INSRR: variants seen among roughly 807,000 people sequenced by gnomAD.
INSRR encodes the protein insulin receptor-related protein.
A neutral mutation model predicts 130.0 loss-of-function variants in INSRR; 114 were observed. The ratio of observed to expected loss-of-function variants is 0.88; its 90% confidence interval spans 0.75 to 1.02. INSRR has a LOEUF of 1.02. Among genes scored for constraint, INSRR ranks in the 50% least tolerant of loss-of-function variants. The pLI is 0.00. For missense variants in INSRR, 1,657 were observed against 1,735.2 expected (o/e 0.95, Z 0.80); for synonymous variants, 674 against 705.2 (o/e 0.96, Z 0.70).
At position 156,841,065 on chromosome 1, in the gene INSRR, G is replaced by A. The variant is rs754911332; in HGVS notation, c.3702C>T (p.Arg1234=). 5.1e-6 allele frequency: 8 copies of A among 1,575,858 alleles called. No individual in the cohort carries two copies. The highest frequency in any genetic ancestry group is 6.9e-6 in the Non-Finnish European group (8 of 1,160,374). Residue 1234 remains arginine, a synonymous_variant, in exon 22 of 22, where the codon CGC becomes CGT. Coordinates refer to ENST00000368195, the MANE Select transcript of INSRR (RefSeq NM_014215.3). The part of the protein sequence containing the change: ...LMSRCWQPNP[R]LRPSFTHILD... ...GAATGTGTGTGAAAGATGGGCGCAG[G>A]CGTGGGTTCGGCTGCCAGCAGCGGC...
intron 5 of INSRR, 53 bp from the exon 6 acceptor site, chr1:156,849,513 G>GGGGGGGGGGGGGC: frequency 2.1e-6 from 1 of 486,122 alleles, no homozygotes; most frequent in Non-Finnish European, 4.1e-6. Flanking sequence ...CAGGGGGTGG[G>GGGGGGGGGGGGGC]AAAGGGGATG....
chr1:156,849,336 G>A lies in INSRR; in HGVS notation c.1354C>T (p.His452Tyr), dbSNP rs1313883943. Reference sequence around the variant, plus strand: ...GTCACCTCCTCCAGTCGGTAGATGTGTTCCAAGCAGAGGCGCGGGTTGAAG... The same window carrying A: ...GTCACCTCCTCCAGTCGGTAGATGTATTCCAAGCAGAGGCGCGGGTTGAAG... ...FAFNPRLCLEHIYRLEEVTGT... is the reference protein window; with the variant it reads ...FAFNPRLCLEYIYRLEEVTGT... The change falls in exon 6 of 22, where the codon CAC becomes TAC. Residue 452 changes from histidine to tyrosine, a missense_variant. By Grantham distance (83) the His-to-Tyr change is moderately conservative (BLOSUM62 2). Coordinates refer to ENST00000368195, the MANE Select transcript of INSRR (RefSeq NM_014215.3). 1 of 1,614,026 alleles carries A rather than the reference G, an allele frequency of 6.2e-7. No individual in the cohort carries two copies. The highest frequency in any genetic ancestry group is 8.5e-7 in the Non-Finnish European group (1 of 1,180,012).
At position 156,846,100 on chromosome 1, in the gene INSRR, G is replaced by T. The variant is rs540004085; in HGVS notation, c.1830C>A (p.Asp610Glu). 1 of 1,604,390 alleles carries T rather than the reference G, an allele frequency of 6.2e-7. No homozygotes were observed. Among genetic ancestry groups the T allele is most frequent in the East Asian group, 2.2e-5 (1 of 44,756 alleles). ...AGGAGGAGTTGGACGTGGAGATGAC[G>T]TCTTGGGGCACCGTGGGAGCTAGGA... is the stretch of plus-strand genomic sequence containing the variant. ...TLPAAPTVPQ[D>E]VISTSNSSSH... Residue 610 changes from aspartate (D) to glutamate (E), a missense_variant, in exon 9 of 22, where the codon GAC becomes GAA. Transcript: ENST00000368195.
chr1:156,845,277 GGCGGTGCCGCCCT>G lies in INSRR; in HGVS notation c.2223_2235del (p.Arg743GlnfsTer28). On this transcript the variant is annotated frameshift_variant, in exon 12 of 22. Transcript: ENST00000368195. LOFTEE classifies it high-confidence loss of function. ...CCCAGCCGGAGGGGCCCAGCTGCCC[GGCGGTGCCGCCCT>G]GAGTCCCTGGGGAGAGCGAGTCAGA... The G allele has an allele frequency of 1.2e-6, 2 of 1,612,478 alleles. No individual in the cohort carries two copies. The highest frequency in any genetic ancestry group is 1.7e-6 in the Non-Finnish European group (2 of 1,179,362).
rs774581385 is a variant in INSRR, at chr1:156,845,952, C to T, written c.1978G>A (p.Gly660Ser). The change falls in exon 9 of 22, where the codon GGC becomes AGC. Residue 660 changes from glycine to serine, a missense_variant and splice_region_variant. Gly to Ser is a moderately conservative substitution (Grantham distance 56). Coordinates refer to ENST00000368195, the MANE Select transcript of INSRR (RefSeq NM_014215.3). The part of the protein sequence containing the change: ...DLYLNDYCHR[G>S]LRLPTSNNDP... ...CGGCCTGCGCGTCGTCCCTGCGCAC[C>T]GCGGTGGCAGTAGTCATTGAGGTAG... 1.9e-6 allele frequency: 3 copies of T among 1,611,420 alleles called. No homozygotes were observed. The highest frequency in any genetic ancestry group is 1.3e-5 in the African/African-American group (1 of 74,906).
rs1229304777 is a variant in INSRR, at chr1:156,844,601, G to T, written c.2598C>A (p.Ser866=). The T allele has an allele frequency of 6.2e-7, 1 of 1,614,050 alleles. No individual in the cohort carries two copies. Among genetic ancestry groups the T allele is most frequent in the Non-Finnish European group, 8.5e-7 (1 of 1,180,016 alleles). ...CCCCAAACTTCGCATATCGAAGACG[G>T]GACACACACAGCACTGTGGCCTCCT... ...LGEEATVLCV[S]RLRYAKFGGV... Residue 866 remains serine, a synonymous_variant, in exon 14 of 22, where the codon TCC becomes TCA. Transcript: ENST00000368195.
At position 156,851,423 on chromosome 1, in the gene INSRR, G is replaced by A. The variant is rs201898311; in HGVS notation, c.1096C>T (p.Pro366Ser). 6.2e-7 allele frequency: 1 copy of A among 1,614,174 alleles called. No individual in the cohort carries two copies. Among genetic ancestry groups the A allele is most frequent in the East Asian group, 2.2e-5 (1 of 44,888 alleles). ...AGCCCCAGGCTGTGCTGCAGCTGTG[G>A]CTCCAGGTTGTCTAGGGATGGGAAG... The part of the protein sequence containing the change: ...LNLRQGYNLE[P>S]QLQHSLGLVE... The change falls in exon 5 of 22, where the codon CCA becomes TCA. Residue 366 changes from proline to serine, a missense_variant. Physicochemically the swap from Pro to Ser is moderately conservative, Grantham distance 74. Transcript: ENST00000368195.
chr1:156,849,041 G>C lies in INSRR; in HGVS notation c.1451C>G (p.Thr484Ser). The change falls in exon 7 of 22, where the codon ACT becomes AGT. Residue 484 changes from threonine to serine, a missense_variant. By Grantham distance (58) the Thr-to-Ser change is moderately conservative. Transcript: ENST00000368195. ...GTTGGACACGAAGCGCAGGGTGCGAGTCTGGCCTGGGTGGGGCGAGGGGCC... is the reference window on the plus strand; with the variant it reads ...GTTGGACACGAAGCGCAGGGTGCGACTCTGGCCTGGGTGGGGCGAGGGGCC... ...RTNGDRAACQ[T>S]RTLRFVSNVT... 1 of 1,613,156 alleles carries C rather than the reference G, an allele frequency of 6.2e-7. No individual in the cohort carries two copies. Among genetic ancestry groups the C allele is most frequent in the Non-Finnish European group, 8.5e-7 (1 of 1,179,842 alleles).
At chr1:156,850,265 G>A (rs984700189) in intron 5 of INSRR, among the ~76,000 whole-genome samples, 3 of 152,108 alleles carry the variant, frequency 2.0e-5, no homozygotes, top group Non-Finnish European at 2.9e-5. Flanking sequence ...AGGCTGCAGT[G>A]TAGTGGCACG....
Position 156,845,258 on chromosome 1 carries a change from C to T in INSRR, c.2255G>A (p.Arg752Gln). The T allele has an allele frequency of 6.2e-7, 1 of 1,611,770 alleles. No homozygotes were observed. Among genetic ancestry groups the T allele is most frequent in the Non-Finnish European group, 8.5e-7 (1 of 1,179,080 alleles). ...GRHRRAAGPL[R>Q]LGGNSSDFEI... ...GAAATCCGAGCTGTTGCCCCCCAGCCGGAGGGGCCCAGCTGCCCGGCGGTG... is the reference window on the plus strand; with the variant it reads ...GAAATCCGAGCTGTTGCCCCCCAGCTGGAGGGGCCCAGCTGCCCGGCGGTG... Residue 752 changes from arginine to glutamine, a missense_variant, in exon 12 of 22, where the codon CGG becomes CAG. By Grantham distance (43) the Arg-to-Gln change is conservative (BLOSUM62 1). Coordinates refer to ENST00000368195, the MANE Select transcript of INSRR (RefSeq NM_014215.3).
chr1:156,841,597 G>T (rs1480737544), intron 20 of INSRR, 68 bp downstream of exon 20: 3 of 1,610,148 alleles, frequency 1.9e-6, no homozygotes, highest in African/African-American at 2.7e-5. Context: ...AGGGATGGGG[G>T]TGTTCCAGGC....
chr1:156,846,988 A>T (rs1349901899), intron 7 of INSRR, among the ~76,000 whole-genome samples: 1 of 152,212 alleles, frequency 6.6e-6, no homozygotes, highest in Non-Finnish European at 1.5e-5. Flanking sequence ...TTAGCAGGGA[A>T]TATCAAGTTC....
rs560985464 is a variant in INSRR at position 156,845,525 on chromosome 1, A to C, written c.2174+94T>G. 545 of 1,467,122 alleles carry C rather than the reference A, an allele frequency of 3.7e-4. 3 individuals carry two copies. The African/African-American group carries it at 7.3e-3, about 20-fold the overall frequency. The allele number at this position is 1,467,122 out of a possible 1,614,324, so 90.9% of individuals were successfully genotyped here. On this transcript the variant is annotated intron_variant, in intron 10 of 21. Transcript: ENST00000368195. The stretch of plus-strand genomic sequence containing the variant: ...CAACCCGGGACCCGCCCACACAAGC[A>C]AGGCCCCACCCACAAACCCCACCCC...
rs774210879 is a variant in INSRR at position 156,841,462 on chromosome 1, A to G, written c.3594T>C (p.Asn1198=). ...CCATGACGAACTTCAGCACCTGCTC[A>G]TTGGACAGGCCCTGGTAGGGTTGTT... is the stretch of plus-strand genomic sequence containing the variant. ...LAEQPYQGLS[N]EQVLKFVMDG... Residue 1198 remains asparagine, a synonymous_variant, in exon 21 of 22, where the codon AAT becomes AAC. Coordinates refer to ENST00000368195, the MANE Select transcript of INSRR (RefSeq NM_014215.3). The G allele has an allele frequency of 6.2e-7, 1 of 1,613,930 alleles. No individual in the cohort carries two copies. Among genetic ancestry groups the G allele is most frequent in the Admixed American group, 1.7e-5 (1 of 60,012 alleles).
chr1:156,853,168 T>C (rs1030793250), intron 2 of INSRR, among the ~76,000 whole-genome samples: 2 of 152,254 alleles, frequency 1.3e-5, no homozygotes, highest in African/African-American at 4.8e-5. Flanking sequence ...ATTGATCATC[T>C]CCTTTCTTCT....
At chr1:156,842,761 C>A (rs1044121478) in intron 17 of INSRR, among the ~76,000 whole-genome samples, 1 of 152,186 alleles carries the variant, frequency 6.6e-6, no homozygotes, top group Non-Finnish European at 1.5e-5. Flanking sequence ...TAATAATGAT[C>A]TGGACACCCA....
intron 1 of INSRR, among the ~76,000 whole-genome samples, chr1:156,857,705 C>G (rs192927756): frequency 6.6e-6 from 1 of 152,344 alleles, no homozygotes; most frequent in East Asian, 1.9e-4. Context: ...TCCCCTGCCC[C>G]TGGGAGCCCC....
Position 156,844,813 on chromosome 1 carries a change from G to A in INSRR, c.2468C>T (p.Ala823Val), listed in dbSNP as rs1279626975. Residue 823 changes from alanine (A) to valine (V), a missense_variant, in exon 13 of 22, where the codon GCC (alanine) becomes GTC (valine). By Grantham distance (64) the Ala-to-Val change is moderately conservative (BLOSUM62 0). Transcript: ENST00000368195. Reference sequence around the variant, plus strand: ...ACTGTTCTTGCTGGAGGCCTCCCAGGCCACCTTTCCTGGAATACCATCAGC... The same window carrying A: ...ACTGTTCTTGCTGGAGGCCTCCCAGACCACCTTTCCTGGAATACCATCAGC... ...READGIPGKVAWEASSKNSVL... is the reference protein window; with the variant it reads ...READGIPGKVVWEASSKNSVL... 6.2e-7 allele frequency: 1 copy of A among 1,613,988 alleles called. No individual in the cohort carries two copies. The highest frequency in any genetic ancestry group is 1.3e-5 in the African/African-American group (1 of 74,920).
rs529226785 is a variant in INSRR, at chr1:156,853,971, G to A, written c.418C>T (p.Arg140Cys). The change falls in exon 2 of 22, where the codon CGT (arginine) becomes TGT (cysteine). Residue 140 changes from arginine to cysteine, a missense_variant. By Grantham distance (180) the Arg-to-Cys change is radical. Transcript: ENST00000368195. Reference protein sequence around the residue: ...ALGAVLRGAVRVEKNQELCHL... With the variant: ...ALGAVLRGAVCVEKNQELCHL... Reference sequence around the variant, plus strand: ...CAGAGCTCCTGGTTCTTCTCCACACGCACAGCCCCACGCAGCACGGCCCCA... The same window carrying A: ...CAGAGCTCCTGGTTCTTCTCCACACACACAGCCCCACGCAGCACGGCCCCA... The A allele has an allele frequency of 1.4e-5, 23 of 1,612,882 alleles. No individual in the cohort carries two copies. Among genetic ancestry groups the A allele is most frequent in the African/African-American group, 5.3e-5 (4 of 75,044 alleles).
Sources: allele counts gnomAD v4.1 joint callset (sites outside exome capture counted in the v4.1 genomes callset), GRCh38; gene constraint gnomAD v4.1.1; transcripts MANE v1.5; gene names NCBI Gene and HGNC (gene_info 2026-07-23, HGNC 2026-07-21).